Variants in CREB5 observed in about 807,000 individuals in gnomAD.
CREB5 encodes the protein cyclic AMP-responsive element-binding protein 5.
In CREB5, 19 loss-of-function variants were observed where a neutral mutation model predicts 57.1. The observed-to-expected ratio is 0.33, with a 90% CI of 0.23 to 0.49. The LOEUF is 0.49. CREB5 is among the 20% of genes least tolerant of loss of function. CREB5 has a pLI of 0.99. For synonymous variants in CREB5, 238 were observed against 238.3 expected, an observed-to-expected ratio of 1.00 and a Z score of 0.01; for missense variants, 579 against 671.6, an observed-to-expected ratio of 0.86 and a Z score of 1.52.
chr7:28,684,030 A>T (rs1717815547), intron 5 of CREB5, among the ~76,000 whole-genome samples: 1 of 152,226 alleles, frequency 6.6e-6, no homozygotes, highest in Non-Finnish European at 1.5e-5. Flanking sequence ...GGAAAGTGAA[A>T]GTCCATAGCT....
rs554589770 is a variant in CREB5 at position 28,538,631 on chromosome 7, T to C, written c.291+30894T>C. On this transcript the variant is annotated intron_variant, in intron 4 of 10. Transcript: ENST00000357727. ...TACTTTTATTTTTTATAATTTCTAC[T>C]TTCTCTGGGTGTAATTTGCCCTTCT... Among the ~76,000 whole-genome samples the C allele has an allele frequency of 6.6e-5, 10 of 152,334 alleles. 1 individual carries two copies. In the South Asian group the frequency reaches 2.1e-3, roughly 32 times the overall value.
intron 1 of CREB5, among the ~76,000 whole-genome samples, chr7:28,351,537 A>T (rs2127990632): frequency 6.6e-6 from 1 of 152,336 alleles, no homozygotes; most frequent in Admixed American, 6.5e-5. Context: ...ATTAATGAGC[A>T]TGAACTACAT....
chr7:28,745,857 A>G (rs1267500762), intron 7 of CREB5, among the ~76,000 whole-genome samples: 2 of 152,228 alleles, frequency 1.3e-5, no homozygotes, highest in Non-Finnish European at 2.9e-5. Flanking sequence ...GAGACCAGCT[A>G]GGACACCTAA....
chr7:28,745,912 C>T (rs1385401172), intron 7 of CREB5, among the ~76,000 whole-genome samples: 1 of 152,216 alleles, frequency 6.6e-6, no homozygotes, highest in Non-Finnish European at 1.5e-5. Context: ...TGGCTCCCTG[C>T]TTTTGCCTAA....
intron 5 of CREB5, among the ~76,000 whole-genome samples, chr7:28,655,650 A>G (rs184956918): frequency 6.6e-6 from 1 of 152,276 alleles, no homozygotes; most frequent in East Asian, 1.9e-4. Context: ...TAATAAGATT[A>G]AAAGGGTTTC....
intron 5 of CREB5, among the ~76,000 whole-genome samples, chr7:28,716,717 T>C (rs951206756): frequency 6.6e-6 from 1 of 152,212 alleles, no homozygotes; most frequent in Non-Finnish European, 1.5e-5. Flanking sequence ...CAAATTTGGT[T>C]GACTGAGCCA....
At chr7:28,560,901 C>CGA (rs1368518820) in intron 4 of CREB5, among the ~76,000 whole-genome samples, 1 of 21,650 alleles carries the variant, frequency 4.6e-5, no homozygotes, top group Non-Finnish European at 9.4e-5. Flanking sequence ...TGTGTGCGTG[C>CGA]GCGCGTGCGT....
intron 4 of CREB5, among the ~76,000 whole-genome samples, chr7:28,523,232 A>T (rs572293343): frequency 6.6e-6 from 1 of 152,286 alleles, no homozygotes; most frequent in East Asian, 1.9e-4. Context: ...TGGGATAAAG[A>T]TTAATTACTG....
At chr7:28,652,182 C>T (rs536771459) in intron 5 of CREB5, among the ~76,000 whole-genome samples, 32 of 152,068 alleles carry the variant, frequency 2.1e-4, no homozygotes, top group African/African-American at 6.5e-4. Flanking sequence ...ATATGAATTT[C>T]TCATATCTAA....
rs541578449 is a variant in CREB5, at chr7:28,446,777, G to A, written c.3+33860G>A. Among the ~76,000 whole-genome samples, 8 of 152,264 alleles carry A rather than the reference G, an allele frequency of 5.3e-5. No homozygotes were observed. The South Asian group carries it at 1.0e-3, about 20-fold the overall frequency. On this transcript the variant is annotated intron_variant, in intron 1 of 10. Transcript: ENST00000357727. ...ACTGCACTCCAGCCTGGGCAACAGA[G>A]TGAGACTCTGTCTCAAAACAAAACA... is the stretch of plus-strand genomic sequence containing the variant.
intron 7 of CREB5, among the ~76,000 whole-genome samples, chr7:28,764,519 T>C (rs770902282): frequency 4.6e-5 from 7 of 152,186 alleles, no homozygotes; most frequent in Non-Finnish European, 8.8e-5. Context: ...AATATTTGCT[T>C]GGTGCAAATA....
intron 5 of CREB5, among the ~76,000 whole-genome samples, chr7:28,631,511 T>A (rs183144908): frequency 2.6e-5 from 4 of 152,188 alleles, no homozygotes; most frequent in Admixed American, 6.5e-5. Context: ...GGCAAAGATT[T>A]GAGTACACAC....
chr7:28,535,782 G>A (rs216718), intron 4 of CREB5, among the ~76,000 whole-genome samples: 11,131 of 152,118 alleles, frequency 0.073, 1,336 homozygotes, highest in African/African-American at 0.25. Context: ...TCTAGGAAAG[G>A]TTCTTTCTGC....
At chr7:28,505,095 T>C (rs1792425137) in intron 3 of CREB5, among the ~76,000 whole-genome samples, 2 of 152,196 alleles carry the variant, frequency 1.3e-5, no homozygotes, top group South Asian at 4.1e-4. Flanking sequence ...TTTCTTCATA[T>C]GTAAACCAGG....
At chr7:28,428,592 A>G (rs1788596576) in intron 1 of CREB5, among the ~76,000 whole-genome samples, 1 of 152,216 alleles carries the variant, frequency 6.6e-6, no homozygotes, top group African/African-American at 2.4e-5. Flanking sequence ...ACCTGAGACA[A>G]GGATGAAGTT....
intron 1 of CREB5, among the ~76,000 whole-genome samples, chr7:28,458,828 A>G (rs1790224391): frequency 6.6e-6 from 1 of 152,208 alleles, no homozygotes; most frequent in East Asian, 1.9e-4. Flanking sequence ...GGCGCCTGAG[A>G]CACAGTGGGC....
chr7:28,559,723 A>G (rs1019231195), intron 4 of CREB5, among the ~76,000 whole-genome samples: 6 of 152,254 alleles, frequency 3.9e-5, no homozygotes, highest in African/African-American at 1.2e-4. Context: ...CAACGCCTCA[A>G]AAATCACAGT....
chr7:28,640,829 G>T (rs1583464060), intron 5 of CREB5, among the ~76,000 whole-genome samples: 1 of 152,194 alleles, frequency 6.6e-6, no homozygotes, highest in East Asian at 1.9e-4. Context: ...GAGGGAAAAT[G>T]ATTTCCTCAC....
At position 28,820,557 on chromosome 7, in the gene CREB5, C is replaced by T. The variant is rs534696071; in HGVS notation, c.*1278C>T. 1 of 152,526 alleles carries T rather than the reference C, an allele frequency of 6.6e-6. No individual in the cohort carries two copies. The highest frequency in any genetic ancestry group is 6.5e-5 in the Admixed American group (1 of 15,268). 9.4% of individuals were successfully genotyped at this position (152,526 alleles called of 1,614,324 possible). Reference sequence around the variant, plus strand: ...TTAGCCTTCCCACAACAGTTAAGCACTCTTTGACTGCTGAAGGAACCCCAT... The same window carrying T: ...TTAGCCTTCCCACAACAGTTAAGCATTCTTTGACTGCTGAAGGAACCCCAT... On this transcript the variant is annotated 3_prime_UTR_variant, in exon 11 of 11. Transcript: ENST00000357727.
Sources: allele counts gnomAD v4.1 joint callset (sites outside exome capture counted in the v4.1 genomes callset), GRCh38; gene constraint gnomAD v4.1.1; transcripts MANE v1.5; gene names NCBI Gene and HGNC (gene_info 2026-07-23, HGNC 2026-07-21).